APP: variants seen among roughly 807,000 people sequenced by gnomAD.
APP encodes amyloid-beta precursor protein.
APP carries 31 observed loss-of-function variants against 101.4 expected under a neutral mutation model. The observed-to-expected ratio is 0.31, with a 90% confidence interval of 0.23 to 0.41. The LOEUF is 0.41. Ranked by LOEUF, APP falls within the 10% of genes least tolerant of loss-of-function variation. The pLI is 1.00. For missense variants in APP, 839 were observed against 1,003.7 expected, an observed-to-expected ratio of 0.84 and a Z score of 2.22; for synonymous variants, 366 against 364.4, an observed-to-expected ratio of 1.00 and a Z score of -0.05.
chr21:26,007,624 T>C (rs1008228736), intron 6 of APP, among the ~76,000 whole-genome samples: 4 of 151,804 alleles, frequency 2.6e-5, no homozygotes, highest in African/African-American at 7.2e-5. Flanking sequence ...CGTGGTGACA[T>C]TTCATGAGCC....
intron 11 of APP, among the ~76,000 whole-genome samples, chr21:25,962,787 A>G (rs2041635934): frequency 6.6e-6 from 1 of 152,160 alleles, no homozygotes; most frequent in Non-Finnish European, 1.5e-5. Flanking sequence ...ATTGAAGAAA[A>G]TTTAATGGCC....
At chr21:25,990,660 A>G (rs935698594) in intron 8 of APP, among the ~76,000 whole-genome samples, 5 of 152,244 alleles carry the variant, frequency 3.3e-5, no homozygotes, top group African/African-American at 4.8e-5. Flanking sequence ...GTTAACCTCT[A>G]TGGAGGTCTT....
At chr21:26,052,846 C>G (rs2045891442) in intron 4 of APP, among the ~76,000 whole-genome samples, 3 of 152,082 alleles carry the variant, frequency 2.0e-5, no homozygotes, top group Admixed American at 1.3e-4. Context: ...GAAGGGTAAA[C>G]TTTAAAGTTA....
intron 5 of APP, among the ~76,000 whole-genome samples, chr21:26,036,727 G>A (rs1460862117): frequency 6.6e-6 from 1 of 152,290 alleles, no homozygotes; most frequent in South Asian, 2.1e-4. Context: ...CAAATGGAAG[G>A]AAGGTAAAAA....
chr21:26,019,667 G>C (rs796529675), intron 6 of APP, among the ~76,000 whole-genome samples: 2 of 86 alleles, frequency 0.023, no homozygotes, highest in East Asian at 0.5. Context: ...CAAGTAAAAT[G>C]GGACACTAAA....
chr21:26,040,241 T>C (rs1397684158), intron 5 of APP, among the ~76,000 whole-genome samples: 1 of 152,186 alleles, frequency 6.6e-6, no homozygotes, highest in African/African-American at 2.4e-5. Flanking sequence ...TTTAGGGCAT[T>C]TCAGATTTTG....
At position 26,112,149 on chromosome 21, in the gene APP, G is replaced by A. The variant is rs757989252; in HGVS notation, c.58-3C>T. 2.6e-5 allele frequency: 42 copies of A among 1,613,662 alleles called. No homozygotes were observed. The Admixed American group carries it at 6.3e-4, about 24-fold the overall frequency. On this transcript the variant is annotated splice_polypyrimidine_tract_variant and splice_region_variant and intron_variant, in intron 1 of 17. Transcript: ENST00000346798. ...CCAGCATTACCATCAGTGGGTACCTGAAAGAAGAAGCTTCAGTTAGTTATA... is the reference window on the plus strand; with the variant it reads ...CCAGCATTACCATCAGTGGGTACCTAAAAGAAGAAGCTTCAGTTAGTTATA...
chr21:25,947,750 C>A (rs1350530428), intron 13 of APP, among the ~76,000 whole-genome samples: 1 of 152,032 alleles, frequency 6.6e-6, no homozygotes, highest in Non-Finnish European at 1.5e-5. Flanking sequence ...CGCCTGTATT[C>A]CCAGCATTTT....
intron 8 of APP, among the ~76,000 whole-genome samples, chr21:25,991,949 T>C (rs1026610437): frequency 6.6e-6 from 1 of 152,178 alleles, no homozygotes; most frequent in African/African-American, 2.4e-5. Context: ...GTAGAACATC[T>C]CTAATCTGAG....
chr21:26,015,860 C>T (rs2044032874), intron 6 of APP, among the ~76,000 whole-genome samples: 3 of 152,172 alleles, frequency 2.0e-5, no homozygotes, highest in African/African-American at 4.8e-5. Context: ...ATCTCTTTTG[C>T]GATCCTCAAC....
intron 11 of APP, among the ~76,000 whole-genome samples, chr21:25,974,478 A>G (rs1264627514): frequency 1.3e-5 from 2 of 152,210 alleles, no homozygotes; most frequent in African/African-American, 4.8e-5. Context: ...GAGGGCCCAG[A>G]GAGCTCTCTT....
intron 11 of APP, among the ~76,000 whole-genome samples, chr21:25,958,766 T>C (rs2041445974): frequency 6.6e-6 from 1 of 152,204 alleles, no homozygotes; most frequent in Non-Finnish European, 1.5e-5. Flanking sequence ...CACTCAGGCC[T>C]TATCTATAAA....
intron 6 of APP, among the ~76,000 whole-genome samples, chr21:26,005,852 G>A (rs999833980): frequency 1.3e-5 from 2 of 152,072 alleles, no homozygotes; most frequent in African/African-American, 2.4e-5. Context: ...AAATGTAGAG[G>A]ATGCAAAATT....
intron 14 of APP, among the ~76,000 whole-genome samples, chr21:25,910,714 AG>A (rs2039029766): frequency 6.6e-6 from 1 of 152,254 alleles, no homozygotes; most frequent in Non-Finnish European, 1.5e-5. Flanking sequence ...GAGGTACCAA[AG>A]GAAAAAACAT....
intron 1 of APP, among the ~76,000 whole-genome samples, chr21:26,155,890 G>C (rs528496456): frequency 6.6e-6 from 1 of 151,892 alleles, no homozygotes; most frequent in Non-Finnish European, 1.5e-5. Flanking sequence ...CCAGCTACTC[G>C]GGAGGCTGAG....
intron 14 of APP, 24 bp from the exon 15 acceptor site, chr21:25,905,101 C>T: frequency 6.2e-7 from 1 of 1,609,842 alleles, no homozygotes; most frequent in Non-Finnish European, 8.5e-7. Flanking sequence ...GCAAGGGACA[C>T]AGAAAGCAAA....
At chr21:26,082,381 C>T (rs1601414029) in intron 3 of APP, among the ~76,000 whole-genome samples, 2 of 151,976 alleles carry the variant, frequency 1.3e-5, no homozygotes, top group African/African-American at 4.8e-5. Flanking sequence ...AAAATATTTC[C>T]TGCCCTCAAA....
intron 1 of APP, among the ~76,000 whole-genome samples, chr21:26,114,972 C>A (rs2062404129): frequency 6.6e-6 from 1 of 151,836 alleles, no homozygotes; most frequent in South Asian, 2.1e-4. Context: ...ACATTTTTTT[C>A]AAATAACTTG....
intron 6 of APP, among the ~76,000 whole-genome samples, chr21:26,019,928 G>A (rs1420739112): frequency 6.6e-6 from 1 of 152,146 alleles, no homozygotes; most frequent in African/African-American, 2.4e-5. Context: ...AAAAATGGTG[G>A]TTTAAACAAA....
Sources: allele counts gnomAD v4.1 joint callset (sites outside exome capture counted in the v4.1 genomes callset), GRCh38; gene constraint gnomAD v4.1.1; transcripts MANE v1.5; gene names NCBI Gene and HGNC (gene_info 2026-07-23, HGNC 2026-07-21).